The following NELL1 variants were observed in gnomAD, a reference collection of about 807,000 sequenced individuals.
The protein encoded by NELL1 is protein kinase C-binding protein NELL1.
In NELL1, 76 loss-of-function variants were observed where a neutral mutation model predicts 107.4. That is an observed-to-expected ratio of 0.71 (90% CI 0.59 to 0.86). The LOEUF is 0.86. Ranked by LOEUF, NELL1 falls within the 40% of genes least tolerant of loss-of-function variation. The pLI is 0.00. For synonymous variants in NELL1, 353 were observed against 341.2 expected, an observed-to-expected ratio of 1.03 and a Z score of -0.38; for missense variants, 1,024 against 1,005.5, an observed-to-expected ratio of 1.02 and a Z score of -0.25.
intron 12 of NELL1, among the ~76,000 whole-genome samples, chr11:21,103,945 T>C (rs544674897): frequency 1.3e-5 from 2 of 152,332 alleles, no homozygotes; most frequent in Admixed American, 6.5e-5. Context: ...ACAGCTTCTG[T>C]GAAGGCAGAG....
chr11:21,535,643 C>A (rs1050061527), intron 16 of NELL1, among the ~76,000 whole-genome samples: 1 of 152,122 alleles, frequency 6.6e-6, no homozygotes, highest in Non-Finnish European at 1.5e-5. Context: ...TCTAGCTCTG[C>A]TGCTTCTAAG....
intron 12 of NELL1, among the ~76,000 whole-genome samples, chr11:21,020,717 C>G (rs1852677909): frequency 6.6e-6 from 1 of 151,976 alleles, no homozygotes; most frequent in African/African-American, 2.4e-5. Context: ...CTTCTTGCCC[C>G]TCTCCACTTT....
chr11:20,778,743 A>G (rs868331161), intron 2 of NELL1, among the ~76,000 whole-genome samples: 1 of 152,102 alleles, frequency 6.6e-6, no homozygotes, highest in Non-Finnish European at 1.5e-5. Context: ...AACTACCTTT[A>G]TGCAATGGTA....
chr11:21,323,036 A>G (rs148104060), intron 14 of NELL1, among the ~76,000 whole-genome samples: 4 of 152,304 alleles, frequency 2.6e-5, no homozygotes, highest in African/African-American at 7.2e-5. Context: ...TCAGTCATCA[A>G]AGGGCTCTTT....
At chr11:21,386,897 G>A (rs1282591276) in intron 15 of NELL1, among the ~76,000 whole-genome samples, 2 of 151,798 alleles carry the variant, frequency 1.3e-5, no homozygotes, top group Non-Finnish European at 2.9e-5. Flanking sequence ...AAACGACATA[G>A]CTCTTATTTA....
chr11:20,881,686 C>T (rs1849410413), intron 4 of NELL1, among the ~76,000 whole-genome samples: 1 of 152,082 alleles, frequency 6.6e-6, no homozygotes, highest in South Asian at 2.1e-4. Flanking sequence ...AAAGTTTTCT[C>T]TGACTATGGC....
intron 16 of NELL1, among the ~76,000 whole-genome samples, chr11:21,535,855 C>T (rs1266826955): frequency 4.6e-5 from 7 of 152,114 alleles, no homozygotes; most frequent in African/African-American, 1.7e-4. Flanking sequence ...TATTTCTTTT[C>T]CTTTACATAC....
intron 16 of NELL1, among the ~76,000 whole-genome samples, chr11:21,559,938 A>T (rs1266802236): frequency 6.6e-6 from 1 of 152,138 alleles, no homozygotes; most frequent in Admixed American, 6.5e-5. Flanking sequence ...TACTAGCTCT[A>T]TGACAGTGGT....
chr11:21,489,860 C>T (rs982191182), intron 15 of NELL1, among the ~76,000 whole-genome samples: 1 of 151,946 alleles, frequency 6.6e-6, no homozygotes, highest in African/African-American at 2.4e-5. Context: ...TGGGGAAAAG[C>T]TGAAAATTTT....
At chr11:21,048,273 A>G (rs1294410846) in intron 12 of NELL1, among the ~76,000 whole-genome samples, 4 of 151,912 alleles carry the variant, frequency 2.6e-5, no homozygotes, top group East Asian at 1.9e-4. Context: ...TTTATTGTAC[A>G]CTTTTTGATC....
intron 2 of NELL1, among the ~76,000 whole-genome samples, chr11:20,736,472 A>G (rs17232764): frequency 0.035 from 5,258 of 152,178 alleles, 139 homozygotes; most frequent in Non-Finnish European, 0.053. Flanking sequence ...GGCCCCTGTC[A>G]TCATGGTTTA....
intron 2 of NELL1, among the ~76,000 whole-genome samples, chr11:20,713,302 G>C (rs1272525083): frequency 6.6e-6 from 1 of 152,146 alleles, no homozygotes; most frequent in Non-Finnish European, 1.5e-5. Context: ...ATTTAGGCAG[G>C]TCTGGGCTCA....
In NELL1 at chr11:21,514,587, G is replaced by GT. The variant is rs1050982324; in HGVS notation, c.1646-19779dup. Among the ~76,000 whole-genome samples, 314 of 151,938 alleles carry GT rather than the reference G, an allele frequency of 2.1e-3. 1 individual carries two copies. Among genetic ancestry groups the GT allele is most frequent in the African/African-American group, 6.8e-3 (280 of 41,446 alleles). On this transcript the variant is annotated intron_variant, in intron 15 of 19. Transcript: ENST00000357134. ...AGGTTGCCAGATTAATCTCTTTTTT[G>GT]TTTTTTTTAGAGATGCCAGGCATCC...
chr11:21,562,432 T>C (rs1425082316), intron 17 of NELL1, among the ~76,000 whole-genome samples: 1 of 151,956 alleles, frequency 6.6e-6, no homozygotes, highest in Non-Finnish European at 1.5e-5. Flanking sequence ...TTTGTTTGTG[T>C]TCTACATGTA....
chr11:21,280,749 T>C, intron 14 of NELL1, among the ~76,000 whole-genome samples: 1 of 152,176 alleles, frequency 6.6e-6, no homozygotes, highest in East Asian at 1.9e-4. Context: ...ATAATGTTTA[T>C]TTAAGTTTAA....
chr11:21,014,549 C>T (rs1295453926), intron 12 of NELL1, among the ~76,000 whole-genome samples: 2 of 152,080 alleles, frequency 1.3e-5, no homozygotes, highest in Non-Finnish European at 2.9e-5. Flanking sequence ...GGTTGATAAA[C>T]CCATAACTCA....
At chr11:21,197,868 G>T (rs1376275760) in intron 13 of NELL1, among the ~76,000 whole-genome samples, 3 of 152,144 alleles carry the variant, frequency 2.0e-5, no homozygotes. Context: ...CTTGGAGCTA[G>T]GGATATCATC....
chr11:21,544,317 G>C (rs938207797), intron 16 of NELL1, among the ~76,000 whole-genome samples: 1 of 151,884 alleles, frequency 6.6e-6, no homozygotes, highest in Non-Finnish European at 1.5e-5. Context: ...ATACCATAGG[G>C]ACTTTTAAAT....
In NELL1 at chr11:20,961,049, A is replaced by T. The variant is rs189143728; in HGVS notation, c.1300+489A>T. Among the ~76,000 whole-genome samples, 340 of 152,270 alleles carry T rather than the reference A, an allele frequency of 2.2e-3. 1 individual carries two copies. Among genetic ancestry groups the T allele is most frequent in the Non-Finnish European group, 3.9e-3 (266 of 68,022 alleles). ...TTCGTGACTGGTTCATGCATTGCCA[A>T]TTCCCAATCTCTACTAAAAGTCACA... On this transcript the variant is annotated intron_variant, in intron 12 of 19. Coordinates refer to ENST00000357134, the MANE Select transcript of NELL1 (RefSeq NM_006157.5).
Sources: gnomAD v4.1 joint callset for allele counts (sites outside exome capture counted in the v4.1 genomes callset) on GRCh38, gnomAD v4.1.1 for gene constraint, MANE v1.5 for transcripts, NCBI Gene and HGNC (gene_info 2026-07-23, HGNC 2026-07-21) for gene names.